The following ATRNL1 variants were observed in gnomAD, a reference collection of about 807,000 sequenced individuals.
ATRNL1 encodes attractin-like protein 1.
In ATRNL1, 95 loss-of-function variants were observed where a neutral mutation model predicts 182.7. The observed-to-expected ratio is 0.52, with a 90% CI of 0.44 to 0.62. ATRNL1 has a LOEUF of 0.62. ATRNL1 is among the 20% of genes least tolerant of loss of function. ATRNL1 has a pLI of 0.00. For missense variants in ATRNL1, 1,471 were observed against 1,679.5 expected (o/e 0.88, Z 2.17); for synonymous variants, 576 against 568.3 (o/e 1.01, Z -0.19).
chr10:115,898,336 A>C (rs1952260748), intron 28 of ATRNL1, among the ~76,000 whole-genome samples: 1 of 152,324 alleles, frequency 6.6e-6, no homozygotes, highest in East Asian at 1.9e-4. Context: ...TTAATCAAAT[A>C]CCAAATTTAG....
At chr10:115,529,020 T>G (rs35727078) in intron 25 of ATRNL1, among the ~76,000 whole-genome samples, 27,229 of 152,114 alleles carry the variant, frequency 0.18, 3,063 homozygotes, top group Non-Finnish European at 0.26. Context: ...AGATATAATT[T>G]GTTACCTAAC....
chr10:115,509,137 C>G (rs1850261841), intron 24 of ATRNL1, among the ~76,000 whole-genome samples: 1 of 151,948 alleles, frequency 6.6e-6, no homozygotes, highest in Non-Finnish European at 1.5e-5. Context: ...AGCATGACAG[C>G]ATATCTATTT....
At chr10:115,828,780 G>A (rs782410471) in intron 27 of ATRNL1, among the ~76,000 whole-genome samples, 4 of 152,080 alleles carry the variant, frequency 2.6e-5, no homozygotes, top group Non-Finnish European at 5.9e-5. Flanking sequence ...TCACCACCTC[G>A]ATCTAGTCTG....
intron 26 of ATRNL1, among the ~76,000 whole-genome samples, chr10:115,682,915 GA>G (rs782286565): frequency 1.5e-3 from 231 of 152,194 alleles, no homozygotes; most frequent in Non-Finnish European, 2.7e-3. Flanking sequence ...AGATTACTTG[GA>G]TTTGAATTCT....
intron 27 of ATRNL1, among the ~76,000 whole-genome samples, chr10:115,732,091 AC>A (rs1947816186): frequency 6.6e-6 from 1 of 152,032 alleles, no homozygotes; most frequent in African/African-American, 2.4e-5. Context: ...AGTTGTTTTC[AC>A]CTTTTGGATA....
At chr10:115,167,823 A>G (rs1226334216) in intron 7 of ATRNL1, among the ~76,000 whole-genome samples, 2 of 152,094 alleles carry the variant, frequency 1.3e-5, no homozygotes, top group East Asian at 3.8e-4. Context: ...GATATACCAT[A>G]CATTTCACTC....
At chr10:115,168,261 C>G (rs1171983585) in intron 7 of ATRNL1, among the ~76,000 whole-genome samples, 6 of 152,034 alleles carry the variant, frequency 3.9e-5, no homozygotes, top group African/African-American at 1.4e-4. Context: ...CACCTTTTGG[C>G]TATTATGAAT....
At chr10:115,656,639 G>A (rs1860352312) in intron 26 of ATRNL1, among the ~76,000 whole-genome samples, 1 of 152,144 alleles carries the variant, frequency 6.6e-6, no homozygotes, top group African/African-American at 2.4e-5. Context: ...ATGAATGAAT[G>A]AATAAAATGA....
intron 19 of ATRNL1, among the ~76,000 whole-genome samples, chr10:115,375,888 T>A (rs1335509974): frequency 1.3e-5 from 2 of 152,180 alleles, no homozygotes; most frequent in Admixed American, 6.5e-5. Context: ...ACTGTATTAC[T>A]GTATTCTGAA....
chr10:115,339,941 A>G (rs1855661844), intron 19 of ATRNL1, among the ~76,000 whole-genome samples: 1 of 152,142 alleles, frequency 6.6e-6, no homozygotes, highest in African/African-American at 2.4e-5. Context: ...ATGCGTTTTC[A>G]CTGTCAATTG....
chr10:115,271,819 C>T (rs1161666474), intron 13 of ATRNL1, among the ~76,000 whole-genome samples: 2 of 152,076 alleles, frequency 1.3e-5, no homozygotes, highest in Admixed American at 6.6e-5. Context: ...ATCTTAATCA[C>T]AGGGTAATAT....
rs1229637453 is a variant in ATRNL1 at position 115,157,320 on chromosome 10, CGTTG to C, written c.830-2719_830-2716del. On this transcript the variant is annotated intron_variant, in intron 5 of 28. Coordinates refer to ENST00000355044, the MANE Select transcript of ATRNL1 (RefSeq NM_207303.4). ...TTAATGGGTGGGGAAGTCTTTTTGT[CGTTG>C]TTTGTGTTTTAAATTAATATTCAGT... 3.5e-5 allele frequency among the ~76,000 whole-genome samples: 5 copies of C among 141,630 alleles called. No individual in the cohort carries two copies. The South Asian group carries it at 7.1e-4, about 20-fold the overall frequency. The allele number at this position is 141,630 out of a possible 152,430, so 92.9% of individuals were successfully genotyped here. A position where few individuals can be genotyped will look rare whatever the true frequency, so the allele number is the denominator to read the frequency against.
intron 27 of ATRNL1, among the ~76,000 whole-genome samples, chr10:115,835,554 A>G (rs1555095142): frequency 6.6e-6 from 1 of 152,222 alleles, no homozygotes. Context: ...GCGGCCTCAG[A>G]AGCCTGGTGA....
intron 26 of ATRNL1, among the ~76,000 whole-genome samples, chr10:115,662,022 T>C (rs1860724768): frequency 6.7e-6 from 1 of 149,094 alleles, no homozygotes; most frequent in African/African-American, 2.5e-5. Flanking sequence ...AGTGAGAACA[T>C]GCAGTGTTTG....
intron 28 of ATRNL1, among the ~76,000 whole-genome samples, chr10:115,879,579 A>T (rs2134436818): frequency 6.6e-6 from 1 of 152,344 alleles, no homozygotes; most frequent in South Asian, 2.1e-4. Flanking sequence ...GGAACCGAGA[A>T]TTTTGAAAGG....
intron 3 of ATRNL1, 92 bp from the exon 4 acceptor site, chr10:115,127,501 G>A: frequency 9.4e-7 from 1 of 1,064,356 alleles, no homozygotes; most frequent in Non-Finnish European, 1.3e-6. Flanking sequence ...AAGCATTACT[G>A]ATCCTGGTAA....
chr10:115,320,949 G>A (rs1258018756), intron 18 of ATRNL1, among the ~76,000 whole-genome samples: 1 of 152,090 alleles, frequency 6.6e-6, no homozygotes, highest in Non-Finnish European at 1.5e-5. Flanking sequence ...GAGAATAGGC[G>A]CTTTGGCCTT....
chr10:115,741,388 G>A (rs949337489), intron 27 of ATRNL1, among the ~76,000 whole-genome samples: 1 of 152,134 alleles, frequency 6.6e-6, no homozygotes, highest in Non-Finnish European at 1.5e-5. Context: ...AGAGAGCAAG[G>A]TGAGCGAGGG....
chr10:115,207,872 T>A (rs1204362971), intron 8 of ATRNL1, among the ~76,000 whole-genome samples: 1 of 152,100 alleles, frequency 6.6e-6, no homozygotes, highest in Non-Finnish European at 1.5e-5. Flanking sequence ...TTTGTTGCAT[T>A]TCTCAGTTTC....
Sources: gnomAD v4.1 joint callset for allele counts (sites outside exome capture counted in the v4.1 genomes callset) on GRCh38, gnomAD v4.1.1 for gene constraint, MANE v1.5 for transcripts, NCBI Gene and HGNC (gene_info 2026-07-23, HGNC 2026-07-21) for gene names.